The following FRMD6 variants were observed in gnomAD, a reference collection of about 807,000 sequenced individuals.
The protein encoded by FRMD6 is FERM domain containing 6.
In FRMD6, 37 loss-of-function variants were observed where a neutral mutation model predicts 73.2. That is an observed-to-expected ratio of 0.51 (90% CI 0.39 to 0.66). The LOEUF (loss-of-function observed/expected upper bound fraction) is 0.66, where lower values mean the gene tolerates loss of function less well. Ranked by LOEUF, FRMD6 falls within the 30% of genes least tolerant of loss-of-function variation. The pLI, the probability that FRMD6 is intolerant of heterozygous loss-of-function variation, is 0.00. For synonymous variants in FRMD6, 273 were observed against 282.2 expected, an observed-to-expected ratio of 0.97 and a Z score of 0.33; for missense variants, 714 against 780.5, an observed-to-expected ratio of 0.91 and a Z score of 1.02.
the FRMD6 span, among the ~76,000 whole-genome samples, chr14:51,414,044 T>C: frequency 2.0e-5 from 3 of 152,244 alleles, no homozygotes; most frequent in Non-Finnish European, 4.4e-5. Flanking sequence ...TTGTAGATTC[T>C]GGATATTTGT....
chr14:51,458,927 G>T, the FRMD6 span, among the ~76,000 whole-genome samples: 1 of 152,214 alleles, frequency 6.6e-6, no homozygotes, highest in Non-Finnish European at 1.5e-5. Flanking sequence ...AGTGGCTTGG[G>T]CTGCCAGAAA....
the FRMD6 span, among the ~76,000 whole-genome samples, chr14:51,438,199 C>A: frequency 1.3e-5 from 2 of 152,224 alleles, no homozygotes; most frequent in Admixed American, 6.5e-5. Flanking sequence ...GACATCCTTA[C>A]AGTTTAAGAT....
At chr14:51,722,157 A>C in intron 12 of FRMD6, 77 bp downstream of exon 12, 1 of 1,542,296 alleles carries the variant, frequency 6.5e-7, no homozygotes, top group South Asian at 1.1e-5. Flanking sequence ...CAGAAAATAG[A>C]AGGGGTGAGC....
intron 1 of FRMD6, among the ~76,000 whole-genome samples, chr14:51,556,590 G>A (rs1887145640): frequency 6.6e-6 from 1 of 152,154 alleles, no homozygotes; most frequent in Admixed American, 6.5e-5. Context: ...CCCTGGTGGT[G>A]GGGAGGGAGG....
chr14:51,405,240 T>C, the FRMD6 span, among the ~76,000 whole-genome samples: 3 of 152,214 alleles, frequency 2.0e-5, no homozygotes, highest in African/African-American at 7.2e-5. Context: ...TGAACACTTG[T>C]GCGCATGTGT....
rs1891179335 is a variant in FRMD6, at chr14:51,627,978, C to T, written c.-147+57568C>T. The stretch of plus-strand genomic sequence containing the variant: ...CTTCCTCATATATTTTCAATCATCA[C>T]TAGATTACTCATAATACTTAATAAA... On this transcript the variant is annotated intron_variant, in intron 2 of 14. Transcript: ENST00000356218. Among the ~76,000 whole-genome samples, 2 of 152,292 alleles carry T rather than the reference C, an allele frequency of 1.3e-5. 1 individual carries two copies. The highest frequency in any genetic ancestry group is 4.1e-4 in the South Asian group (2 of 4,830).
intron 1 of FRMD6, among the ~76,000 whole-genome samples, chr14:51,545,540 T>C (rs1436787468): frequency 6.6e-6 from 1 of 151,878 alleles, no homozygotes; most frequent in Non-Finnish European, 1.5e-5. Context: ...AGGGTGGGAG[T>C]ATTTACACCA....
intron 1 of FRMD6, among the ~76,000 whole-genome samples, chr14:51,523,853 G>T (rs1271898558): frequency 6.6e-6 from 1 of 152,220 alleles, no homozygotes; most frequent in African/African-American, 2.4e-5. Flanking sequence ...ACGTTTGGAA[G>T]TGTGCTCTAT....
At chr14:51,722,357 G>A (rs1160121940) in intron 12 of FRMD6, among the ~76,000 whole-genome samples, 1 of 152,230 alleles carries the variant, frequency 6.6e-6, no homozygotes, top group Non-Finnish European at 1.5e-5. Flanking sequence ...ATGTTATGCT[G>A]TGTCGAGAAT....
intron 1 of FRMD6, among the ~76,000 whole-genome samples, chr14:51,500,352 C>T (rs1883540467): frequency 6.6e-6 from 1 of 152,028 alleles, no homozygotes; most frequent in South Asian, 2.1e-4. Context: ...CATGGTGAAA[C>T]CCTGTCTCTA....
chr14:51,512,214 G>A (rs1320741898), intron 1 of FRMD6, among the ~76,000 whole-genome samples: 1 of 152,122 alleles, frequency 6.6e-6, no homozygotes, highest in Non-Finnish European at 1.5e-5. Flanking sequence ...TAATAGTTAT[G>A]CATATGAAGG....
intron 1 of FRMD6, among the ~76,000 whole-genome samples, chr14:51,520,228 C>G (rs1444648903): frequency 6.6e-6 from 1 of 152,142 alleles, no homozygotes; most frequent in Non-Finnish European, 1.5e-5. Flanking sequence ...AGAAAATGTT[C>G]AACCTCATTA....
chr14:51,575,605 G>A (rs1399048489), intron 2 of FRMD6: 1 of 152,178 alleles, frequency 6.6e-6, no homozygotes, highest in Non-Finnish European at 1.5e-5. Flanking sequence ...TTTTCTTTTT[G>A]AAATCCTTAG....
At chr14:51,678,329 T>C (rs1198285352) in intron 1 of FRMD6, among the ~76,000 whole-genome samples, 2 of 152,178 alleles carry the variant, frequency 1.3e-5, no homozygotes, top group South Asian at 2.1e-4. Context: ...TGTCTCCTTA[T>C]GTGTTTGCTT....
At chr14:51,547,253 T>C (rs1886523441) in intron 1 of FRMD6, among the ~76,000 whole-genome samples, 1 of 152,172 alleles carries the variant, frequency 6.6e-6, no homozygotes, top group South Asian at 2.1e-4. Flanking sequence ...CAAAACCCTC[T>C]ACCCTAGAGT....
chr14:51,638,200 C>T (rs571822248), intron 2 of FRMD6, among the ~76,000 whole-genome samples: 3 of 152,036 alleles, frequency 2.0e-5, no homozygotes, highest in Admixed American at 1.3e-4. Flanking sequence ...GGGGGGATCA[C>T]GAGTCCAGGA....
At chr14:51,702,162 G>A (rs761385786) in intron 4 of FRMD6, among the ~76,000 whole-genome samples, 6 of 152,030 alleles carry the variant, frequency 3.9e-5, no homozygotes, top group Non-Finnish European at 7.4e-5. Context: ...GTAATAAGGA[G>A]CAAATGGTCA....
chr14:51,549,363 A>G (rs1170773871), intron 1 of FRMD6, among the ~76,000 whole-genome samples: 1 of 152,180 alleles, frequency 6.6e-6, no homozygotes, highest in African/African-American at 2.4e-5. Flanking sequence ...TCACAATCAC[A>G]GTAGATTACA....
At chr14:51,510,083 T>C (rs998000410) in intron 1 of FRMD6, among the ~76,000 whole-genome samples, 1 of 152,162 alleles carries the variant, frequency 6.6e-6, no homozygotes, top group African/African-American at 2.4e-5. Context: ...TTCAGAAAAG[T>C]TGTATGTTGT....
Sources: allele counts gnomAD v4.1 joint callset (sites outside exome capture counted in the v4.1 genomes callset), GRCh38; gene constraint gnomAD v4.1.1; transcripts MANE v1.5; gene names NCBI Gene and HGNC (gene_info 2026-07-23, HGNC 2026-07-21).